TRIM71: variants seen among roughly 807,000 people sequenced by gnomAD.
TRIM71 encodes the protein E3 ubiquitin-protein ligase TRIM71.
In TRIM71, 9 loss-of-function variants were observed where a neutral mutation model predicts 61.2. The ratio of observed to expected loss-of-function variants is 0.15; its 90% confidence interval spans 0.09 to 0.26. The LOEUF is 0.26. Among genes scored for constraint, TRIM71 ranks in the 10% least tolerant of loss-of-function variants. The probability of loss-of-function intolerance (pLI) is 1.00; values close to 1 mark genes in which losing one functional copy is unlikely to be tolerated. For missense variants in TRIM71, 998 were observed against 1,238.7 expected (o/e 0.81, Z 2.92); for synonymous variants, 645 against 553.2 (o/e 1.17, Z -2.33).
chr3:32,835,407 G>A (rs1696323530), intron 1 of TRIM71, among the ~76,000 whole-genome samples: 1 of 151,932 alleles, frequency 6.6e-6, no homozygotes, highest in Admixed American at 6.6e-5. Context: ...GGCTCACTGT[G>A]AACAGAAAAG....
intron 1 of TRIM71, among the ~76,000 whole-genome samples, chr3:32,843,033 T>C (rs1035640700): frequency 2.0e-5 from 3 of 150,626 alleles, no homozygotes; most frequent in African/African-American, 7.3e-5. Flanking sequence ...TGGGACTATT[T>C]ATAGGATTAT....
chr3:32,853,956 A>G (rs1241511222), intron 1 of TRIM71, among the ~76,000 whole-genome samples: 1 of 151,542 alleles, frequency 6.6e-6, no homozygotes, highest in Non-Finnish European at 1.5e-5. Context: ...ATGAGCTGAG[A>G]CCACGCCACT....
At chr3:32,861,027 T>TTTCTAC (rs1696662761) in intron 1 of TRIM71, among the ~76,000 whole-genome samples, 1 of 151,582 alleles carries the variant, frequency 6.6e-6, no homozygotes, top group Non-Finnish European at 1.5e-5. Context: ...ATTCAAAAAT[T>TTTCTAC]AGCCAGGTGT....
At chr3:32,883,129 G>A (rs761606954) in intron 2 of TRIM71, among the ~76,000 whole-genome samples, 3 of 152,096 alleles carry the variant, frequency 2.0e-5, no homozygotes, top group Non-Finnish European at 2.9e-5. Context: ...GCTCTCTCTC[G>A]CTTTCTCTCT....
At position 32,892,013 on chromosome 3, in the gene TRIM71, T is replaced by C; in HGVS notation, c.*202T>C. Reference sequence around the variant, plus strand: ...TCATCTTTATTTTTTTACAGATGAATGTACTTATCTTTTCTGCAGGGATTG... The same window carrying C: ...TCATCTTTATTTTTTTACAGATGAACGTACTTATCTTTTCTGCAGGGATTG... On this transcript the variant is annotated 3_prime_UTR_variant, in exon 4 of 4. Transcript: ENST00000383763. The C allele has an allele frequency of 1.5e-6, 1 of 680,370 alleles. No individual in the cohort carries two copies. The highest frequency in any genetic ancestry group is 2.3e-6 in the Non-Finnish European group (1 of 438,076). 42.1% of individuals were successfully genotyped at this position (680,370 alleles called of 1,614,324 possible).
chr3:32,879,478 T>C (rs1268880521), intron 2 of TRIM71, among the ~76,000 whole-genome samples: 1 of 152,126 alleles, frequency 6.6e-6, no homozygotes, highest in African/African-American at 2.4e-5. Context: ...TTAGAGGCCA[T>C]TGTAGGGTTA....
chr3:32,824,401 C>T (rs1034046732), intron 1 of TRIM71, among the ~76,000 whole-genome samples: 3 of 151,408 alleles, frequency 2.0e-5, no homozygotes, highest in African/African-American at 7.3e-5. Flanking sequence ...CCATATTGGC[C>T]AGGCTTGTCT....
At chr3:32,851,025 A>C (rs1206778408) in intron 1 of TRIM71, among the ~76,000 whole-genome samples, 1 of 152,120 alleles carries the variant, frequency 6.6e-6, no homozygotes, top group African/African-American at 2.4e-5. Context: ...AAGCCTCTCC[A>C]CTTTCCTGTT....
intron 1 of TRIM71, among the ~76,000 whole-genome samples, chr3:32,821,773 C>T (rs1696136965): frequency 6.6e-6 from 1 of 151,496 alleles, no homozygotes; most frequent in African/African-American, 2.4e-5. Context: ...CCGCTGCGTG[C>T]CGCGGGTCCC....
chr3:32,854,164 A>T (rs1001774387), intron 1 of TRIM71, among the ~76,000 whole-genome samples: 2 of 152,066 alleles, frequency 1.3e-5, no homozygotes, highest in African/African-American at 2.4e-5. Flanking sequence ...AATTTTTTAA[A>T]TTTTTTTGTA....
intron 1 of TRIM71, among the ~76,000 whole-genome samples, chr3:32,842,038 C>A (rs1696412953): frequency 6.6e-6 from 1 of 152,114 alleles, no homozygotes; most frequent in African/African-American, 2.4e-5. Flanking sequence ...GCTCTAGCAC[C>A]ATAAAGATTG....
At chr3:32,822,946 A>T (rs4909039) in intron 1 of TRIM71, among the ~76,000 whole-genome samples, 37,743 of 151,940 alleles carry the variant, frequency 0.25, 5,141 homozygotes, top group African/African-American at 0.36. Flanking sequence ...TTTAAAAAAA[A>T]TTTTTTTAAA....
At chr3:32,864,845 GGTGTGTGTGTGTGT>G (rs10522411) in intron 1 of TRIM71, among the ~76,000 whole-genome samples, 78,604 of 146,334 alleles carry the variant, frequency 0.54, 23,083 homozygotes, top group Non-Finnish European at 0.68. Context: ...AAAATTAAGT[GGTGTGTGTGTGTGT>G]GTGTGTGTGT....
Position 32,890,256 on chromosome 3 carries a change from G to A in TRIM71, c.1156-104G>A. ...TCTTTTGTAGACCATCCCACAATAT[G>A]TGTTTGTCTGATGCTTCCTTGTGAT... is the stretch of plus-strand genomic sequence containing the variant. On this transcript the variant is annotated intron_variant, in intron 3 of 3. Coordinates refer to ENST00000383763, the MANE Select transcript of TRIM71 (RefSeq NM_001039111.3). This position sits in a 1 kb window ranked among gnomAD's most constrained non-coding sequence, Gnocchi z 6.2. The A allele has an allele frequency of 1.4e-6, 2 of 1,432,076 alleles. No individual in the cohort carries two copies. Among genetic ancestry groups the A allele is most frequent in the East Asian group, 4.6e-5 (2 of 43,466 alleles). 88.7% of individuals were successfully genotyped at this position (1,432,076 alleles called of 1,614,324 possible). A position where few individuals can be genotyped will look rare whatever the true frequency, so the allele number is the denominator to read the frequency against.
At chr3:32,872,855 C>T (rs1696810417) in intron 1 of TRIM71, among the ~76,000 whole-genome samples, 1 of 152,184 alleles carries the variant, frequency 6.6e-6, no homozygotes, top group South Asian at 2.1e-4. Context: ...TGTTAGCTAG[C>T]TTCCCCTCAT....
At chr3:32,854,478 C>A (rs1234629551) in intron 1 of TRIM71, among the ~76,000 whole-genome samples, 1 of 152,160 alleles carries the variant, frequency 6.6e-6, no homozygotes, top group Non-Finnish European at 1.5e-5. Flanking sequence ...TTCTCTGTGG[C>A]TACCCACTTG....
At chr3:32,829,276 T>C (rs144097343) in intron 1 of TRIM71, among the ~76,000 whole-genome samples, 1,653 of 150,076 alleles carry the variant, frequency 0.011, 32 homozygotes, top group East Asian at 0.1. Context: ...CCTCCACCTC[T>C]CAGGTTCAAG....
chr3:32,831,099 C>A (rs1414502878), intron 1 of TRIM71, among the ~76,000 whole-genome samples: 1 of 151,954 alleles, frequency 6.6e-6, no homozygotes, highest in East Asian at 1.9e-4. Context: ...TGCCTGCCTG[C>A]AAGTGTTGAG....
rs868654715 is a variant in TRIM71, at chr3:32,880,113, T to A, written c.1021-5821T>A. Among the ~76,000 whole-genome samples the A allele has an allele frequency of 5.3e-5, 8 of 152,054 alleles. No homozygotes were observed. The South Asian group carries it at 1.5e-3, about 28-fold the overall frequency. On this transcript the variant is annotated intron_variant, in intron 2 of 3. Coordinates refer to ENST00000383763, the MANE Select transcript of TRIM71 (RefSeq NM_001039111.3). ...GCCCAGGCTGGAACGCAGTGACAGA[T>A]CTTGGCTCACTGCAACCTCTGCCTC... is the stretch of plus-strand genomic sequence containing the variant.
Sources: allele counts gnomAD v4.1 joint callset (sites outside exome capture counted in the v4.1 genomes callset), GRCh38; gene constraint gnomAD v4.1.1; non-coding constraint Gnocchi (gnomAD v3.1); transcripts MANE v1.5; gene names NCBI Gene and HGNC (gene_info 2026-07-23, HGNC 2026-07-21).